The following GRXCR1 variants were observed in gnomAD, a reference collection of about 807,000 sequenced individuals.
The protein encoded by GRXCR1 is glutaredoxin domain-containing cysteine-rich protein 1.
A neutral mutation model predicts 27.3 loss-of-function variants in GRXCR1; 27 were observed. The ratio of observed to expected loss-of-function variants is 0.99; its 90% CI spans 0.73 to 1.37. The LOEUF is 1.37. Among genes scored for constraint, GRXCR1 ranks in the 40% most tolerant of loss-of-function variants. The pLI is 0.00. For synonymous variants in GRXCR1, 122 were observed against 131.1 expected (o/e 0.93, Z 0.47); for missense variants, 379 against 354.4 (o/e 1.07, Z -0.56).
intron 1 of GRXCR1, among the ~76,000 whole-genome samples, chr4:42,904,038 C>G (rs1189496423): frequency 1.3e-5 from 2 of 152,204 alleles, no homozygotes; most frequent in Non-Finnish European, 2.9e-5. Context: ...GCTCTTGGAT[C>G]CTCCATGTAG....
intron 2 of GRXCR1, among the ~76,000 whole-genome samples, chr4:42,997,775 T>A (rs1218050288): frequency 6.6e-6 from 1 of 152,174 alleles, no homozygotes; most frequent in African/African-American, 2.4e-5. Flanking sequence ...CCTTGCTTTT[T>A]CCATGGAAAC....
At chr4:42,921,330 G>A (rs531157779) in intron 1 of GRXCR1, among the ~76,000 whole-genome samples, 1 of 152,034 alleles carries the variant, frequency 6.6e-6, no homozygotes, top group African/African-American at 2.4e-5. Context: ...TTATTTATAA[G>A]CCACCCAGTT....
Position 42,893,126 on chromosome 4 carries a change from A to C in GRXCR1, c.-141A>C. The C allele has an allele frequency of 2.2e-6, 2 of 898,062 alleles. No individual in the cohort carries two copies. The allele number at this position is 898,062 out of a possible 1,614,324, so 55.6% of individuals were successfully genotyped here. On this transcript the variant is annotated 5_prime_UTR_variant, in exon 1 of 4. Transcript: ENST00000399770. ...AGAGACACACTGTAAGTCCTTGGGA[A>C]TCTTCTTTCCTTTTGATGTTAGTTT...
At chr4:42,987,277 T>TATAG (rs1553943958) in intron 2 of GRXCR1, among the ~76,000 whole-genome samples, 222 of 104,178 alleles carry the variant, frequency 2.1e-3, no homozygotes, top group South Asian at 3.7e-3. Flanking sequence ...TATATATATA[T>TATAG]AGAGAGAGAG....
intron 3 of GRXCR1, among the ~76,000 whole-genome samples, chr4:43,024,927 G>A (rs1236641732): frequency 1.3e-5 from 2 of 152,112 alleles, no homozygotes; most frequent in Non-Finnish European, 2.9e-5. Flanking sequence ...TTGTCATAGA[G>A]GGTCAAATAA....
chr4:42,934,401 CCA>C (rs146711554), intron 1 of GRXCR1, among the ~76,000 whole-genome samples: 3 of 151,294 alleles, frequency 2.0e-5, no homozygotes, highest in Admixed American at 6.6e-5. Context: ...TGCCTCTGCA[CCA>C]CACACACACA....
Position 42,940,504 on chromosome 4 carries a change from C to CA in GRXCR1, c.385-22382dup, listed in dbSNP as rs146706721. ...ACCTCTTTACATGCTGGAGCTGAAA[C>CA]AAAAAATGCAAATTATTAAGTTTCA... is the stretch of plus-strand genomic sequence containing the variant. On this transcript the variant is annotated intron_variant, in intron 1 of 3. Transcript: ENST00000399770. 7.4e-3 allele frequency among the ~76,000 whole-genome samples: 1,128 copies of CA among 152,024 alleles called. 16 individuals carry two copies. The highest frequency in any genetic ancestry group is 0.025 in the African/African-American group (1,042 of 41,520).
chr4:42,990,809 G>T (rs1711948123), intron 2 of GRXCR1, among the ~76,000 whole-genome samples: 1 of 152,024 alleles, frequency 6.6e-6, no homozygotes, highest in Non-Finnish European at 1.5e-5. Flanking sequence ...TCTTTGGAAA[G>T]AATATGTAGT....
intron 2 of GRXCR1, among the ~76,000 whole-genome samples, chr4:42,998,005 A>G (rs946698519): frequency 6.6e-6 from 1 of 152,208 alleles, no homozygotes; most frequent in Non-Finnish European, 1.5e-5. Context: ...GAAGAGAATA[A>G]TACTTTTTTA....
At chr4:42,963,263 G>A in intron 2 of GRXCR1, 129 bp downstream of exon 2, 1 of 1,011,710 alleles carries the variant, frequency 9.9e-7, no homozygotes, top group Non-Finnish European at 1.6e-6. Flanking sequence ...TCAAACCAAA[G>A]GGATTGGAGC....
chr4:42,893,516 G>A lies in GRXCR1; in HGVS notation c.250G>A (p.Ala84Thr), dbSNP rs1208671107. 1 of 1,613,766 alleles carries A rather than the reference G, an allele frequency of 6.2e-7. No individual in the cohort carries two copies. The highest frequency in any genetic ancestry group is 8.5e-7 in the Non-Finnish European group (1 of 1,179,838). Residue 84 changes from alanine (A) to threonine (T), a missense_variant, in exon 1 of 4, where the codon GCA becomes ACA. By Grantham distance (58) the Ala-to-Thr change is moderately conservative (BLOSUM62 0). Transcript: ENST00000399770. ...TGACCAGGATAGCTTGCTGGTGTTA[G>A]CAAGGGCTGCCAGTGAGAAGGGTTT... ...ENDQDSLLVL[A>T]RAASEKGFGT...
intron 2 of GRXCR1, among the ~76,000 whole-genome samples, chr4:43,007,771 C>CT (rs1374082372): frequency 1.3e-5 from 2 of 152,142 alleles, no homozygotes; most frequent in African/African-American, 4.8e-5. Flanking sequence ...CGTTTAGTAG[C>CT]TACATGCTTT....
intron 1 of GRXCR1, among the ~76,000 whole-genome samples, chr4:42,954,154 A>G (rs1018867575): frequency 6.6e-6 from 1 of 152,178 alleles, no homozygotes; most frequent in Non-Finnish European, 1.5e-5. Context: ...GTGTGTGGAT[A>G]GATAGTGAAC....
chr4:43,016,626 T>C (rs1712938582), intron 2 of GRXCR1, among the ~76,000 whole-genome samples: 1 of 54,176 alleles, frequency 1.8e-5, no homozygotes, highest in African/African-American at 9.6e-5. Flanking sequence ...GGGAAGCAGT[T>C]GTGTGTTTGT....
Position 42,977,621 on chromosome 4 carries a change from ATC to A in GRXCR1, c.627+14489_627+14490del, listed in dbSNP as rs532799233. Among the ~76,000 whole-genome samples the A allele has an allele frequency of 1.6e-3, 251 of 152,148 alleles. 1 individual carries two copies. Among genetic ancestry groups the A allele is most frequent in the African/African-American group, 5.8e-3 (242 of 41,556 alleles). Reference sequence around the variant, plus strand: ...CATTTTATGCCTTCTTTTGATAAATATCTGTTCATGACCTTTGTTCAGTTTTT... The same window carrying A: ...CATTTTATGCCTTCTTTTGATAAATATGTTCATGACCTTTGTTCAGTTTTT... On this transcript the variant is annotated intron_variant, in intron 2 of 3. Transcript: ENST00000399770.
chr4:42,952,658 A>G (rs538599176), intron 1 of GRXCR1, among the ~76,000 whole-genome samples: 6 of 152,302 alleles, frequency 3.9e-5, no homozygotes, highest in East Asian at 3.9e-4. Flanking sequence ...TTGGAAAGTC[A>G]TACTCATAGG....
chr4:42,905,742 A>G (rs1018123281), intron 1 of GRXCR1, among the ~76,000 whole-genome samples: 1 of 152,178 alleles, frequency 6.6e-6, no homozygotes, highest in Non-Finnish European at 1.5e-5. Context: ...GGAAAAGAAA[A>G]TTCCAGAAAA....
chr4:42,911,484 G>A (rs1282451125), intron 1 of GRXCR1, among the ~76,000 whole-genome samples: 2 of 152,074 alleles, frequency 1.3e-5, no homozygotes, highest in African/African-American at 4.8e-5. Flanking sequence ...ATGAAATATT[G>A]CAAGATAGTA....
chr4:42,954,440 A>G (rs1264651927), intron 1 of GRXCR1, among the ~76,000 whole-genome samples: 1 of 152,064 alleles, frequency 6.6e-6, no homozygotes, highest in Non-Finnish European at 1.5e-5. Flanking sequence ...AAGAGTAAGG[A>G]CTTAGGAGGC....
Sources: allele counts gnomAD v4.1 joint callset (sites outside exome capture counted in the v4.1 genomes callset), GRCh38; gene constraint gnomAD v4.1.1; transcripts MANE v1.5; gene names NCBI Gene and HGNC (gene_info 2026-07-23, HGNC 2026-07-21).